UBR2: variants seen among roughly 807,000 people sequenced by gnomAD.
The protein encoded by UBR2 is E3 ubiquitin-protein ligase UBR2.
A neutral mutation model predicts 247.9 loss-of-function variants in UBR2; 92 were observed. The observed-to-expected ratio is 0.37, with a 90% CI of 0.31 to 0.44. The LOEUF is 0.44. Among genes scored for constraint, UBR2 ranks in the 20% least tolerant of loss-of-function variants. UBR2 has a pLI of 1.00. For missense variants in UBR2, 1,613 were observed against 2,112.6 expected, an observed-to-expected ratio of 0.76 and a Z score of 4.64; for synonymous variants, 672 against 693.5, an observed-to-expected ratio of 0.97 and a Z score of 0.49.
rs189969152 is a variant in UBR2, at chr6:42,688,418, A to G, written c.5024+32A>G. The stretch of plus-strand genomic sequence containing the variant: ...ACCTGCAGGGGCTTTTTAGCTTTGG[A>G]TCTGCCTCAGTATCTGACTGTTAGG... On this transcript the variant is annotated intron_variant, in intron 45 of 46. Coordinates refer to ENST00000372901, the MANE Select transcript of UBR2 (RefSeq NM_001363705.2). 2.7e-3 allele frequency: 4,313 copies of G among 1,609,780 alleles called. 13 individuals carry two copies. The highest frequency in any genetic ancestry group is 3.0e-3 in the Non-Finnish European group (3,512 of 1,178,434).
At chr6:42,601,547 G>T (rs1017122016) in intron 4 of UBR2, among the ~76,000 whole-genome samples, 1 of 151,908 alleles carries the variant, frequency 6.6e-6, no homozygotes, top group African/African-American at 2.4e-5. Context: ...AATTAGCCAG[G>T]CATGGTGGCA....
chr6:42,658,572 G>A, intron 28 of UBR2, 74 bp from the exon 29 acceptor site: 1 of 1,392,306 alleles, frequency 7.2e-7, no homozygotes, highest in Non-Finnish European at 9.7e-7. Context: ...TATTTACAGT[G>A]AAGATATTTC....
rs893135322 is a variant in UBR2 at position 42,670,705 on chromosome 6, C to T, written c.4076C>T (p.Pro1359Leu). Residue 1359 changes from proline to leucine, a missense_variant, in exon 36 of 47, where the codon CCT becomes CTT. Around this residue, in one of 3 missense-constraint regions of UBR2, gnomAD observed 1,524 missense variants for 1,967.3 expected, o/e 0.77. Coordinates refer to ENST00000372901, the MANE Select transcript of UBR2 (RefSeq NM_001363705.2). ...DEDKPLFGPLPCRLDDCLRSL... is the reference protein window; with the variant it reads ...DEDKPLFGPLLCRLDDCLRSL... The stretch of plus-strand genomic sequence containing the variant: ...GATAAACCATTGTTTGGTCCTTTAC[C>T]TTGCAGACTGGTAAGTTCTCAGTTT... The T allele has an allele frequency of 6.2e-7, 1 of 1,609,252 alleles. No individual in the cohort carries two copies. The highest frequency in any genetic ancestry group is 8.5e-7 in the Non-Finnish European group (1 of 1,177,960).
At position 42,564,057 on chromosome 6, in the gene UBR2, G is replaced by C. The variant is rs1412911725; in HGVS notation, c.-263G>C. On this transcript the variant is annotated 5_prime_UTR_variant, in exon 1 of 47. Transcript: ENST00000372901. Reference sequence around the variant, plus strand: ...GTGGCCAGCGAGAGTGTCAGGCCTGGGGTTTTCTGTGTCCTTCCCTGGGTC... The same window carrying C: ...GTGGCCAGCGAGAGTGTCAGGCCTGCGGTTTTCTGTGTCCTTCCCTGGGTC... 2.5e-5 allele frequency: 13 copies of C among 513,644 alleles called. No homozygotes were observed. The highest frequency in any genetic ancestry group is 4.4e-5 in the Non-Finnish European group (13 of 292,990). 31.8% of individuals were successfully genotyped at this position (513,644 alleles called of 1,614,324 possible).
chr6:42,647,101 C>G (rs1216767240), intron 21 of UBR2, among the ~76,000 whole-genome samples: 1 of 151,968 alleles, frequency 6.6e-6, no homozygotes, highest in Non-Finnish European at 1.5e-5. Flanking sequence ...GGATTACAGG[C>G]ATAAGCCACC....
chr6:42,646,865 A>G (rs1350567953), intron 21 of UBR2, among the ~76,000 whole-genome samples: 1 of 151,882 alleles, frequency 6.6e-6, no homozygotes, highest in African/African-American at 2.4e-5. Context: ...TTGGTCACCC[A>G]GGCTGGAGTA....
intron 11 of UBR2, among the ~76,000 whole-genome samples, chr6:42,628,722 C>CA (rs34316224): frequency 0.025 from 2,565 of 102,766 alleles, 73 homozygotes; most frequent in African/African-American, 0.077. Context: ...GGCTCTGACT[C>CA]AAAAAAAAAA....
rs538365580 is a variant in UBR2, at chr6:42,672,267, A to G, written c.4087-1524A>G. Among the ~76,000 whole-genome samples, 3 of 152,208 alleles carry G rather than the reference A, an allele frequency of 2.0e-5. No individual in the cohort carries two copies. In the South Asian group the frequency reaches 6.2e-4, roughly 32 times the overall value. On this transcript the variant is annotated intron_variant, in intron 36 of 46. Transcript: ENST00000372901. ...AGGCTGGTCTCAAACTCCTGACCTC[A>G]GGTGATCTGCCCATCTCGGCCTCCC...
chr6:42,643,065 GAC>G (rs1283994216), intron 18 of UBR2, among the ~76,000 whole-genome samples: 1 of 151,962 alleles, frequency 6.6e-6, no homozygotes, highest in African/African-American at 2.4e-5. Context: ...AGCCTTCCCT[GAC>G]ACACTAAAAC....
At chr6:42,592,699 A>G (rs1173505851) in intron 3 of UBR2, among the ~76,000 whole-genome samples, 1 of 152,210 alleles carries the variant, frequency 6.6e-6, no homozygotes, top group Non-Finnish European at 1.5e-5. Context: ...TGGAAATTGA[A>G]GACAGACCAT....
Position 42,683,068 on chromosome 6 carries a change from A to C in UBR2, c.4732A>C (p.Ser1578Arg). Reference sequence around the variant, plus strand: ...TTTACATTAAAGTTGGTGCCGTAACAGTGAAGTTAAAAGATATCTAGAAGG... The same window carrying C: ...TTTACATTAAAGTTGGTGCCGTAACCGTGAAGTTAAAAGATATCTAGAAGG... Reference protein sequence around the residue: ...NSLIESWCRNSEVKRYLEGER... With the variant: ...NSLIESWCRNREVKRYLEGER... The change falls in exon 43 of 47, where the codon AGT becomes CGT. Residue 1578 changes from serine (S) to arginine (R), a missense_variant. Physicochemically the swap from Ser to Arg is moderately radical, Grantham distance 110. Around this residue, in one of 3 missense-constraint regions of UBR2, gnomAD observed 1,524 missense variants for 1,967.3 expected, o/e 0.77. Transcript: ENST00000372901. 4 of 1,612,808 alleles carry C rather than the reference A, an allele frequency of 2.5e-6. 1 individual carries two copies. The Middle Eastern group carries it at 6.7e-4, about 270-fold the overall frequency.
intron 43 of UBR2, among the ~76,000 whole-genome samples, chr6:42,683,906 T>C (rs9369376): frequency 0.23 from 35,346 of 152,146 alleles, 4,164 homozygotes; most frequent in African/African-American, 0.27. Context: ...AGATAAGGGA[T>C]ACTCAACCCA....
chr6:42,589,786 T>C (rs1792535208), intron 2 of UBR2, among the ~76,000 whole-genome samples: 1 of 152,214 alleles, frequency 6.6e-6, no homozygotes, highest in African/African-American at 2.4e-5. Flanking sequence ...TTCAACGTTT[T>C]AAAGATCATG....
intron 7 of UBR2, among the ~76,000 whole-genome samples, chr6:42,610,342 T>TGCAAAATAA (rs2151933551): frequency 6.6e-6 from 1 of 152,328 alleles, no homozygotes; most frequent in Non-Finnish European, 1.5e-5. Context: ...TAGGTATATA[T>TGCAAAATAA]GCAAAATAAT....
intron 11 of UBR2, among the ~76,000 whole-genome samples, chr6:42,618,231 T>C (rs1043410388): frequency 6.6e-6 from 1 of 152,192 alleles, no homozygotes; most frequent in Non-Finnish European, 1.5e-5. Context: ...TTCCCACACT[T>C]CAGGGCTTTT....
chr6:42,684,724 A>G (rs1225611904), intron 43 of UBR2, 70 bp from the exon 44 acceptor site: 13 of 1,192,194 alleles, frequency 1.1e-5, no homozygotes, highest in Non-Finnish European at 1.6e-5. Context: ...GTATGTGCAC[A>G]TGGAAGTGCC....
Position 42,640,265 on chromosome 6 carries a change from C to T in UBR2, c.1915C>T (p.Pro639Ser). 6.2e-7 allele frequency: 1 copy of T among 1,605,966 alleles called. No homozygotes were observed. The highest frequency in any genetic ancestry group is 8.5e-7 in the Non-Finnish European group (1 of 1,177,036). The change falls in exon 16 of 47, where the codon CCT becomes TCT. Residue 639 changes from proline (P) to serine (S), a missense_variant. By Grantham distance (74) the Pro-to-Ser change is moderately conservative. This residue lies in a region of UBR2 where 1,524 missense variants were observed against 1,967.3 expected (regional missense o/e 0.77). Coordinates refer to ENST00000372901, the MANE Select transcript of UBR2 (RefSeq NM_001363705.2). ...GGCATATAAATTTCCAGAGCTCCTA[C>T]CTCTAGTAAGTGGTGCTTACATTTA... The part of the protein sequence containing the change: ...EVAYKFPELL[P>S]LSELSPPMLI...
intron 11 of UBR2, among the ~76,000 whole-genome samples, chr6:42,622,705 GTT>G: frequency 6.6e-6 from 1 of 151,930 alleles, no homozygotes; most frequent in East Asian, 1.9e-4. Context: ...CACCTGGCCT[GTT>G]TTTGGCTTTT....
intron 38 of UBR2, 101 bp from the exon 39 acceptor site, chr6:42,675,955 T>C: frequency 2.0e-6 from 3 of 1,466,078 alleles, no homozygotes; most frequent in East Asian, 2.4e-5. Context: ...AGACTCTGTC[T>C]CAAAAAAAAA....
Sources: gnomAD v4.1 joint callset for allele counts (sites outside exome capture counted in the v4.1 genomes callset) on GRCh38, gnomAD v4.1.1 for gene constraint, gnomAD v4.1.1 regional missense constraint, MANE v1.5 for transcripts, NCBI Gene and HGNC (gene_info 2026-07-23, HGNC 2026-07-21) for gene names.